MCCC1: variants seen among roughly 807,000 people sequenced by gnomAD.
MCCC1 encodes the protein methylcrotonoyl-CoA carboxylase subunit alpha, mitochondrial.
MCCC1 carries 64 observed loss-of-function variants against 83.8 expected under a neutral mutation model. The ratio of observed to expected loss-of-function variants is 0.76; its 90% CI spans 0.62 to 0.94. The LOEUF is 0.94. Among genes scored for constraint, MCCC1 ranks in the 40% least tolerant of loss-of-function variants. The probability of loss-of-function intolerance (pLI) is 0.00; values close to 1 mark genes in which losing one functional copy is unlikely to be tolerated. For missense variants in MCCC1, 807 were observed against 904.7 expected (o/e 0.89, Z 1.39); for synonymous variants, 322 against 315.4 (o/e 1.02, Z -0.22).
At chr3:183,067,324 T>A (rs1716326969) in intron 7 of MCCC1, among the ~76,000 whole-genome samples, 2 of 152,226 alleles carry the variant, frequency 1.3e-5, no homozygotes, top group African/African-American at 4.8e-5. Flanking sequence ...AACCCATGGC[T>A]GGGCTGGGCT....
upstream of MCCC1, among the ~76,000 whole-genome samples, chr3:183,100,930 G>C (rs1230831439): frequency 6.6e-6 from 1 of 152,258 alleles, no homozygotes; most frequent in Non-Finnish European, 1.5e-5. Flanking sequence ...GGCTGTGTGC[G>C]GCACTTGCGG....
intron 1 of MCCC1, among the ~76,000 whole-genome samples, chr3:183,107,509 T>TTTATTATTATTATTA (rs199825914): frequency 6.6e-6 from 1 of 150,600 alleles, no homozygotes; most frequent in African/African-American, 2.4e-5. Flanking sequence ...CTGTTTTGTT[T>TTTATTATTATTATTA]TTATTATTAT....
chr3:183,103,220 T>TGAGCAGCCGCAGGATTTATTGCAAAGAGC (rs1179295518), upstream of MCCC1, among the ~76,000 whole-genome samples: 5 of 151,596 alleles, frequency 3.3e-5, no homozygotes, highest in African/African-American at 1.2e-4. Flanking sequence ...ACCCAAAGAG[T>TGAGCAGCCGCAGGATTTATTGCAAAGAGC]GAGCAGCCGC....
At chr3:183,053,999 A>G (rs1715209331) in intron 8 of MCCC1, among the ~76,000 whole-genome samples, 1 of 139,882 alleles carries the variant, frequency 7.1e-6, no homozygotes, top group Non-Finnish European at 1.5e-5. Flanking sequence ...TTCCTGTCTC[A>G]GCCTCCCGAG....
At chr3:183,063,774 C>T (rs947458336) in intron 7 of MCCC1, among the ~76,000 whole-genome samples, 2 of 152,056 alleles carry the variant, frequency 1.3e-5, no homozygotes, top group South Asian at 2.1e-4. Context: ...AAATCCCGAC[C>T]CAAAGCGGTG....
chr3:183,067,707 G>A (rs934852750), intron 7 of MCCC1, among the ~76,000 whole-genome samples: 1 of 152,052 alleles, frequency 6.6e-6, no homozygotes, highest in Non-Finnish European at 1.5e-5. Flanking sequence ...TCTAATCCTG[G>A]GCATGTATTG....
rs2108441478 is a variant in MCCC1, at chr3:183,022,486, A to G, written c.1800T>C (p.Cys600=). Residue 600 remains cysteine, a synonymous_variant, in exon 16 of 19, where the codon TGT becomes TGC. Transcript: ENST00000265594. ...CTTTACTAGCAACTCCATTAACAGA[A>G]CATTTCAGGTAAGTGCAGTCTCCCT... The part of the protein sequence containing the change: ...YSEGDCTYLK[C]SVNGVASKAK... 6.2e-7 allele frequency: 1 copy of G among 1,614,050 alleles called. No homozygotes were observed. The highest frequency in any genetic ancestry group is 2.2e-5 in the East Asian group (1 of 44,884).
At chr3:183,100,614 A>C (rs1289942407), upstream of MCCC1, among the ~76,000 whole-genome samples, 1 of 152,270 alleles carries the variant, frequency 6.6e-6, no homozygotes, top group African/African-American at 2.4e-5. Context: ...TCACGCACAC[A>C]CACACGACAG....
intron 14 of MCCC1, among the ~76,000 whole-genome samples, chr3:183,033,584 T>C (rs1486152855): frequency 6.6e-6 from 1 of 152,210 alleles, no homozygotes; most frequent in Non-Finnish European, 1.5e-5. Context: ...CTCTCTGACA[T>C]AGTTTTGAAA....
rs747083549 is a variant in MCCC1, at chr3:183,071,128, A to G, written c.640-8T>C. 1 of 1,614,168 alleles carries G rather than the reference A, an allele frequency of 6.2e-7. No individual in the cohort carries two copies. Among genetic ancestry groups the G allele is most frequent in the Non-Finnish European group, 8.5e-7 (1 of 1,180,034 alleles). On this transcript the variant is annotated splice_polypyrimidine_tract_variant and splice_region_variant and intron_variant, in intron 6 of 18. Transcript: ENST00000265594. Reference sequence around the variant, plus strand: ...TCTAACAATCCTCATTCCCTAAGAGAGAAAAGATGATTATGACTACAACAT... The same window carrying G: ...TCTAACAATCCTCATTCCCTAAGAGGGAAAAGATGATTATGACTACAACAT...
Position 183,057,320 on chromosome 3 carries a change from C to T in MCCC1, c.864G>A (p.Glu288=). ...TTTCCAAGGTCCTTACCGCTGGGGC[C>T]TCCTCAATGATCTTCTGATGTCGCC... ...VQRRHQKIIE[E]APAPGIKSEV... Residue 288 remains glutamate, a synonymous_variant, in exon 8 of 19, where the codon GAG becomes GAA. Coordinates refer to ENST00000265594, the MANE Select transcript of MCCC1 (RefSeq NM_020166.5). 6.2e-7 allele frequency: 1 copy of T among 1,604,500 alleles called. No homozygotes were observed. The highest frequency in any genetic ancestry group is 8.5e-7 in the Non-Finnish European group (1 of 1,174,172).
intron 11 of MCCC1, among the ~76,000 whole-genome samples, chr3:183,039,940 CA>C (rs1281150649): frequency 6.6e-6 from 1 of 151,374 alleles, no homozygotes; most frequent in Non-Finnish European, 1.5e-5. Context: ...ACTAAAAATA[CA>C]AAAAATTAGC....
chr3:183,069,761 A>G (rs914984260), intron 7 of MCCC1, among the ~76,000 whole-genome samples: 2 of 152,324 alleles, frequency 1.3e-5, no homozygotes, highest in Admixed American at 1.3e-4. Context: ...ATATATATAA[A>G]ATTTAACAAT....
chr3:183,035,206 A>G (rs953804843), intron 13 of MCCC1, among the ~76,000 whole-genome samples: 2 of 152,250 alleles, frequency 1.3e-5, no homozygotes, highest in Non-Finnish European at 2.9e-5. Context: ...GGAAGGTCAC[A>G]GTAAGACAAC....
intron 17 of MCCC1, among the ~76,000 whole-genome samples, chr3:183,019,255 G>A (rs945871373): frequency 6.6e-5 from 10 of 152,060 alleles, no homozygotes; most frequent in Admixed American, 1.3e-4. Flanking sequence ...AGGAGACTAC[G>A]GATACTGATC....
At chr3:183,035,989 A>AC in intron 13 of MCCC1, among the ~76,000 whole-genome samples, 1 of 30,570 alleles carries the variant, frequency 3.3e-5, no homozygotes, top group African/African-American at 1.3e-4. Flanking sequence ...CCCCCACCCC[A>AC]CGACAGGCCC....
intron 1 of MCCC1, chr3:183,098,789 GCT>G (rs1169982350): frequency 6.4e-6 from 1 of 156,836 alleles, no homozygotes; most frequent in Non-Finnish European, 1.4e-5. Flanking sequence ...TAATTTCCCA[GCT>G]CTGTGGAAGG....
intron 1 of MCCC1, among the ~76,000 whole-genome samples, chr3:183,097,993 C>CA (rs1477696969): frequency 1.3e-5 from 2 of 152,196 alleles, no homozygotes; most frequent in African/African-American, 4.8e-5. Flanking sequence ...TAGCTCACTG[C>CA]AAGCTCCGCC....
At position 183,064,046 on chromosome 3, in the gene MCCC1, C is replaced by A. The variant is rs1448655203; in HGVS notation, c.762-6624G>T. On this transcript the variant is annotated intron_variant, in intron 7 of 18. Coordinates refer to ENST00000265594, the MANE Select transcript of MCCC1 (RefSeq NM_020166.5). This position sits in a 1 kb window ranked among gnomAD's most constrained non-coding sequence, Gnocchi z 4.5. ...AAGCCCAACTTAGGAAGGTTAGATT[C>A]CTTCCTAAGATTTAGGGGCTCCTCT... Among the ~76,000 whole-genome samples the A allele has an allele frequency of 6.6e-6, 1 of 152,114 alleles. No individual in the cohort carries two copies. The highest frequency in any genetic ancestry group is 1.5e-5 in the Non-Finnish European group (1 of 68,010).
Sources: allele counts gnomAD v4.1 joint callset (sites outside exome capture counted in the v4.1 genomes callset), GRCh38; gene constraint gnomAD v4.1.1; non-coding constraint Gnocchi (gnomAD v3.1); transcripts MANE v1.5; gene names NCBI Gene and HGNC (gene_info 2026-07-23, HGNC 2026-07-21).